MAML3: variants seen among roughly 807,000 people sequenced by gnomAD.
MAML3 encodes the protein mastermind like transcriptional coactivator 3, also known as mastermind-like protein 3.
Under a neutral mutation model 101.9 loss-of-function variants are expected in MAML3, and 27 were observed. The observed-to-expected ratio is 0.27, with a 90% CI of 0.20 to 0.37. The LOEUF (loss-of-function observed/expected upper bound fraction) is 0.37, where lower values mean the gene tolerates loss of function less well. Among genes scored for constraint, MAML3 ranks in the 10% least tolerant of loss-of-function variants. MAML3 has a pLI of 1.00. For synonymous variants in MAML3, 501 were observed against 555.9 expected (o/e 0.90, Z 1.39); for missense variants, 1,316 against 1,444.9 (o/e 0.91, Z 1.45).
At chr4:139,775,879 G>A (rs541284990) in intron 2 of MAML3, among the ~76,000 whole-genome samples, 13 of 152,230 alleles carry the variant, frequency 8.5e-5, no homozygotes, top group African/African-American at 2.9e-4. Flanking sequence ...TTATGGTTCC[G>A]ACTGCTTAGG....
chr4:139,874,108 T>C (rs1334788722), intron 2 of MAML3, among the ~76,000 whole-genome samples: 1 of 152,220 alleles, frequency 6.6e-6, no homozygotes, highest in Non-Finnish European at 1.5e-5. Flanking sequence ...CACCTTCTTT[T>C]TTAGCTTCTG....
At chr4:139,903,180 G>A (rs755660757) in intron 1 of MAML3, among the ~76,000 whole-genome samples, 3 of 152,124 alleles carry the variant, frequency 2.0e-5, no homozygotes, top group Non-Finnish European at 2.9e-5. Flanking sequence ...TAGAAATGGC[G>A]TCTTGTTCTG....
intron 1 of MAML3, among the ~76,000 whole-genome samples, chr4:139,993,365 AAAT>A (rs56356634): frequency 0.14 from 21,229 of 150,172 alleles, 1,647 homozygotes; most frequent in South Asian, 0.27. Flanking sequence ...AAAAAAAAAA[AAAT>A]AGACATACAT....
intron 1 of MAML3, among the ~76,000 whole-genome samples, chr4:139,893,065 A>G (rs1219146046): frequency 2.6e-5 from 4 of 151,608 alleles, no homozygotes; most frequent in Non-Finnish European, 4.4e-5. Context: ...TACATTTTCC[A>G]TAAACTCTCT....
chr4:139,868,332 T>C (rs575867511), intron 2 of MAML3, among the ~76,000 whole-genome samples: 6 of 152,346 alleles, frequency 3.9e-5, no homozygotes, highest in East Asian at 1.9e-4. Context: ...GGAAGTTTGG[T>C]CATAGGATCA....
At chr4:139,964,163 C>G (rs1734078984) in intron 1 of MAML3, among the ~76,000 whole-genome samples, 2 of 152,180 alleles carry the variant, frequency 1.3e-5, no homozygotes, top group Admixed American at 1.3e-4. Flanking sequence ...GCACTATTTA[C>G]AACAGCAAAG....
chr4:139,907,717 C>T lies in MAML3; in HGVS notation c.469-16750G>A, dbSNP rs542735565. Among the ~76,000 whole-genome samples, 206 of 152,204 alleles carry T rather than the reference C, an allele frequency of 1.4e-3. 1 individual carries two copies. The highest frequency in any genetic ancestry group is 3.9e-3 in the South Asian group (19 of 4,816). ...GTAGGCTGTTGCATGTTTTAATTTT[C>T]CTCCTGTCTATTGGAAAATGCTCCC... On this transcript the variant is annotated intron_variant, in intron 1 of 4. Transcript: ENST00000509479.
At chr4:140,100,964 C>G (rs561373230) in intron 1 of MAML3, among the ~76,000 whole-genome samples, 76 of 152,264 alleles carry the variant, frequency 5.0e-4, no homozygotes, top group South Asian at 1.2e-3. Context: ...GGAGAAACCA[C>G]ATGGAATGGC....
Position 140,143,520 on chromosome 4 carries a change from T to C in MAML3, c.468+9340A>G, listed in dbSNP as rs181082893. 7.6e-3 allele frequency among the ~76,000 whole-genome samples: 1,155 copies of C among 152,286 alleles called. 10 individuals are homozygous for C. The highest frequency in any genetic ancestry group is 0.013 in the Non-Finnish European group (909 of 68,020). On this transcript the variant is annotated intron_variant, in intron 1 of 4. Transcript: ENST00000509479. ...GCTCACACCTGTAATCCTAGCACTT[T>C]GGAAGGCCAAGGCGGGCGGATCATG...
intron 1 of MAML3, among the ~76,000 whole-genome samples, chr4:140,126,546 C>T (rs2111032967): frequency 1.3e-5 from 2 of 152,314 alleles, no homozygotes; most frequent in South Asian, 4.1e-4. Flanking sequence ...GGATCGCCTC[C>T]TTCAGAAATA....
chr4:139,920,296 G>C (rs1250285861), intron 1 of MAML3, among the ~76,000 whole-genome samples: 1 of 152,174 alleles, frequency 6.6e-6, no homozygotes, highest in Non-Finnish European at 1.5e-5. Context: ...CTTGCAAACT[G>C]TGGCCCTGTC....
chr4:140,117,961 C>T (rs191167704), intron 1 of MAML3, among the ~76,000 whole-genome samples: 80 of 151,794 alleles, frequency 5.3e-4, no homozygotes, highest in South Asian at 2.3e-3. Context: ...CAGATAACCA[C>T]GCATGGTAAT....
intron 1 of MAML3, among the ~76,000 whole-genome samples, chr4:140,044,784 G>T (rs1040032871): frequency 6.6e-6 from 1 of 152,186 alleles, no homozygotes; most frequent in Non-Finnish European, 1.5e-5. Context: ...TACTGTTCCT[G>T]AATTTCTGTC....
intron 2 of MAML3, among the ~76,000 whole-genome samples, chr4:139,871,170 G>A (rs76882440): frequency 0.041 from 6,157 of 152,002 alleles, 189 homozygotes; most frequent in African/African-American, 0.088. Context: ...TCTCATGTAT[G>A]ACATTCCTCA....
chr4:139,946,483 C>T (rs981729009), intron 1 of MAML3, among the ~76,000 whole-genome samples: 6 of 151,806 alleles, frequency 4.0e-5, no homozygotes, highest in African/African-American at 9.7e-5. Context: ...TATGTACAAA[C>T]GCACAAAGGT....
chr4:140,008,584 G>T (rs1726496235), intron 1 of MAML3, among the ~76,000 whole-genome samples: 1 of 139,886 alleles, frequency 7.1e-6, no homozygotes, highest in Non-Finnish European at 1.7e-5. Flanking sequence ...CAAATGACAG[G>T]TCTTACTCTT....
chr4:139,942,211 A>C (rs57800857), intron 1 of MAML3, among the ~76,000 whole-genome samples: 9,308 of 148,830 alleles, frequency 0.063, 815 homozygotes, highest in African/African-American at 0.21. Flanking sequence ...GGCAGGCAGG[A>C]AGGAAGACAT....
chr4:139,935,405 A>T (rs1733488651), intron 1 of MAML3, among the ~76,000 whole-genome samples: 1 of 152,168 alleles, frequency 6.6e-6, no homozygotes, highest in African/African-American at 2.4e-5. Flanking sequence ...AAATAGATTT[A>T]AGCAATAAAA....
At chr4:139,874,305 G>A (rs1436004960) in intron 2 of MAML3, among the ~76,000 whole-genome samples, 1 of 151,922 alleles carries the variant, frequency 6.6e-6, no homozygotes, top group African/African-American at 2.4e-5. Flanking sequence ...TTTTAATATT[G>A]TACTTTAAAA....
Sources: gnomAD v4.1 joint callset for allele counts (sites outside exome capture counted in the v4.1 genomes callset) on GRCh38, gnomAD v4.1.1 for gene constraint, MANE v1.5 for transcripts, NCBI Gene and HGNC (gene_info 2026-07-23, HGNC 2026-07-21) for gene names.